The following MALT1 variants were observed in gnomAD, a reference collection of about 807,000 sequenced individuals.
MALT1 encodes the protein MALT1 paracaspase.
In MALT1, 36 loss-of-function variants were observed where a neutral mutation model predicts 85.5. The observed-to-expected ratio is 0.42, with a 90% confidence interval of 0.32 to 0.56. MALT1 has a LOEUF of 0.56. Ranked by LOEUF, MALT1 falls within the 20% of genes least tolerant of loss-of-function variation. The pLI is 0.10. For missense variants in MALT1, 716 were observed against 981.6 expected, an observed-to-expected ratio of 0.73 and a Z score of 3.62; for synonymous variants, 359 against 361.3, an observed-to-expected ratio of 0.99 and a Z score of 0.07.
intron 2 of MALT1, among the ~76,000 whole-genome samples, chr18:58,695,794 G>A (rs1232208205): frequency 6.6e-6 from 1 of 152,166 alleles, no homozygotes; most frequent in Non-Finnish European, 1.5e-5. Context: ...TCATTCGTGA[G>A]GGTAGAGCCT....
At chr18:58,684,305 G>A (rs1279857636) in intron 2 of MALT1, among the ~76,000 whole-genome samples, 1 of 152,116 alleles carries the variant, frequency 6.6e-6, no homozygotes, top group African/African-American at 2.4e-5. Flanking sequence ...TTAGGAATTG[G>A]TTGTTGCTTG....
In MALT1 at chr18:58,744,439, G is replaced by A; in HGVS notation, c.1855G>A (p.Val619Ile). ...SNVMIIYTSIVYKPPEIIMCD... is the reference protein window; with the variant it reads ...SNVMIIYTSIIYKPPEIIMCD... ...TGTCATGATCATCTATACAAGTATA[G>A]TTTACAAACCACCGGAGATAATAAT... is the stretch of plus-strand genomic sequence containing the variant. Residue 619 changes from valine (V) to isoleucine (I), a missense_variant, in exon 15 of 17, where the codon GTT becomes ATT. Transcript: ENST00000649217. The A allele has an allele frequency of 6.2e-7, 1 of 1,608,264 alleles. No individual in the cohort carries two copies. The highest frequency in any genetic ancestry group is 8.5e-7 in the Non-Finnish European group (1 of 1,176,466).
Position 58,682,898 on chromosome 18 carries a change from A to G in MALT1, c.376+1562A>G, listed in dbSNP as rs1023907471. On this transcript the variant is annotated intron_variant, in intron 2 of 16. Transcript: ENST00000649217. ...TAAATGCCCTATGAATTTGATACACACTGTATTGGATGCTTGCTTTCTATT... is the reference window on the plus strand; with the variant it reads ...TAAATGCCCTATGAATTTGATACACGCTGTATTGGATGCTTGCTTTCTATT... 2.3e-4 allele frequency among the ~76,000 whole-genome samples: 35 copies of G among 152,254 alleles called. 1 individual carries two copies. Among genetic ancestry groups the G allele is most frequent in the African/African-American group, 6.7e-4 (28 of 41,542 alleles).
chr18:58,744,476 A>G lies in MALT1; in HGVS notation c.1892A>G (p.Tyr631Cys), dbSNP rs778767175. 1.2e-5 allele frequency: 20 copies of G among 1,601,952 alleles called. No homozygotes were observed. Among genetic ancestry groups the G allele is most frequent in the African/African-American group, 2.7e-5 (2 of 74,516 alleles). The change falls in exon 15 of 17, where the codon TAC becomes TGC. Residue 631 changes from tyrosine (Y) to cysteine (C), a missense_variant. Around this residue, in one of 4 missense-constraint regions of MALT1, gnomAD observed 260 missense variants for 323.7 expected, o/e 0.80. Transcript: ENST00000649217. The stretch of plus-strand genomic sequence containing the variant: ...CCGGAGATAATAATGTGTGATGCCT[A>G]CGTTACTGATTTTCCACTTGTGAGT... ...KPPEIIMCDA[Y>C]VTDFPLDLDI...
At chr18:58,705,289 CGTGTGTGTGTGT>C (rs59890170) in intron 4 of MALT1, among the ~76,000 whole-genome samples, 16 of 146,996 alleles carry the variant, frequency 1.1e-4, no homozygotes, top group Middle Eastern at 3.2e-3. Context: ...TGTAAAAGTA[CGTGTGTGTGTGT>C]GTGTGTGTGT....
At chr18:58,701,849 C>G (rs1345363972) in intron 4 of MALT1, among the ~76,000 whole-genome samples, 1 of 152,180 alleles carries the variant, frequency 6.6e-6, no homozygotes, top group East Asian at 1.9e-4. Context: ...GGGAAAGTCT[C>G]GGTCTTAATA....
At position 58,753,424 on chromosome 18, in the gene MALT1, CT is replaced by C. The variant is rs1263776947; in HGVS notation, c.*5583del. On this transcript the variant is annotated 3_prime_UTR_variant, in exon 17 of 17. Transcript: ENST00000649217. ...GTTTCACCATGTTGGCCAGGCTGGTCTCAAACTCCTGACCTCAAGTGATCTG... is the reference window on the plus strand; with the variant it reads ...GTTTCACCATGTTGGCCAGGCTGGTCCAAACTCCTGACCTCAAGTGATCTG... 6.6e-6 allele frequency: 1 copy of C among 152,348 alleles called. No individual in the cohort carries two copies. The highest frequency in any genetic ancestry group is 2.4e-5 in the African/African-American group (1 of 41,570). The allele number at this position is 152,348 out of a possible 1,614,324, so 9.4% of individuals were successfully genotyped here. A position where few individuals can be genotyped will look rare whatever the true frequency, so the allele number is the denominator to read the frequency against.
intron 16 of MALT1, 109 bp from the exon 17 acceptor site, chr18:58,747,296 G>A: frequency 7.2e-6 from 5 of 696,148 alleles, no homozygotes; most frequent in Non-Finnish European, 1.2e-5. Context: ...ACCTGGGAAA[G>A]GAGAGTGAGT....
intron 2 of MALT1, chr18:58,690,323 T>G (rs1489071403): frequency 2.0e-5 from 3 of 152,262 alleles, no homozygotes; most frequent in Non-Finnish European, 4.4e-5. Flanking sequence ...AGTATGGTGT[T>G]GGTGGTCTTA....
chr18:58,715,662 C>T (rs2054889400), intron 8 of MALT1, among the ~76,000 whole-genome samples: 1 of 152,122 alleles, frequency 6.6e-6, no homozygotes, highest in African/African-American at 2.4e-5. Flanking sequence ...TAGTAGGCAC[C>T]TCATAGGGTA....
At chr18:58,723,291 A>T (rs776929604) in intron 10 of MALT1, 40 bp downstream of exon 10, 2 of 1,449,720 alleles carry the variant, frequency 1.4e-6, no homozygotes, top group African/African-American at 1.4e-5. Flanking sequence ...ATTATCCATT[A>T]TTCTTTTCAT....
At chr18:58,739,164 G>A (rs2055267078) in intron 13 of MALT1, among the ~76,000 whole-genome samples, 1 of 152,084 alleles carries the variant, frequency 6.6e-6, no homozygotes, top group Non-Finnish European at 1.5e-5. Context: ...TCCAACTTGA[G>A]ATAAATCACT....
intron 10 of MALT1, among the ~76,000 whole-genome samples, chr18:58,726,116 T>C (rs975196840): frequency 1.4e-4 from 22 of 152,126 alleles, no homozygotes; most frequent in African/African-American, 4.8e-4. Context: ...ACCAGAAATA[T>C]TAAAAATTGT....
chr18:58,739,348 A>G (rs912486143), intron 13 of MALT1, among the ~76,000 whole-genome samples: 8 of 152,200 alleles, frequency 5.3e-5, no homozygotes, highest in African/African-American at 2.4e-5. Context: ...CAGTGTTATC[A>G]GTATCAGTGG....
intron 15 of MALT1, among the ~76,000 whole-genome samples, chr18:58,745,425 A>AC (rs2055352468): frequency 2.6e-5 from 4 of 152,336 alleles, no homozygotes; most frequent in African/African-American, 9.6e-5. Flanking sequence ...ATCATTTGAA[A>AC]GGAAGCTCTT....
intron 1 of MALT1, 156 bp downstream of exon 1, chr18:58,672,008 A>G: frequency 2.3e-6 from 1 of 437,122 alleles, no homozygotes; most frequent in Non-Finnish European, 3.7e-6. Flanking sequence ...GCGGAGCGGA[A>G]CTCAGCAGCT....
chr18:58,731,771 G>C (rs538253507), intron 10 of MALT1, among the ~76,000 whole-genome samples: 1 of 146,152 alleles, frequency 6.8e-6, no homozygotes, highest in African/African-American at 2.7e-5. Flanking sequence ...TAACATAAAC[G>C]TGTGAATCGT....
At chr18:58,699,168 T>C (rs2054636515) in intron 3 of MALT1, among the ~76,000 whole-genome samples, 1 of 152,208 alleles carries the variant, frequency 6.6e-6, no homozygotes, top group Admixed American at 6.5e-5. Flanking sequence ...ACATCTTCCA[T>C]TTTAACAGGA....
chr18:58,742,783 A>G (rs1366953074), intron 14 of MALT1, among the ~76,000 whole-genome samples: 3 of 152,212 alleles, frequency 2.0e-5, no homozygotes, highest in Non-Finnish European at 2.9e-5. Context: ...AGAAATGAGC[A>G]TGGCACTCGA....
Sources: allele counts gnomAD v4.1 joint callset (sites outside exome capture counted in the v4.1 genomes callset), GRCh38; gene constraint gnomAD v4.1.1; regional missense constraint gnomAD v4.1.1; transcripts MANE v1.5; gene names NCBI Gene and HGNC (gene_info 2026-07-23, HGNC 2026-07-21).